GRIK3: variants seen among roughly 807,000 people sequenced by gnomAD.
GRIK3 encodes glutamate receptor ionotropic, kainate 3.
In GRIK3, 29 loss-of-function variants were observed where a neutral mutation model predicts 102.5. The ratio of observed to expected loss-of-function variants is 0.28; its 90% confidence interval spans 0.21 to 0.39. The LOEUF (loss-of-function observed/expected upper bound fraction) is 0.39, where lower values mean the gene tolerates loss of function less well. Among genes scored for constraint, GRIK3 ranks in the 10% least tolerant of loss-of-function variants. GRIK3 has a pLI of 1.00. For missense variants in GRIK3, 908 were observed against 1,252.4 expected (o/e 0.73, Z 4.15); for synonymous variants, 511 against 504.9 (o/e 1.01, Z -0.16).
At chr1:36,995,092 G>A (rs1012828257) in intron 1 of GRIK3, among the ~76,000 whole-genome samples, 4 of 152,192 alleles carry the variant, frequency 2.6e-5, no homozygotes, top group Admixed American at 2.0e-4. Context: ...GAGGGAGGGA[G>A]TGGTTTCATG....
At chr1:36,944,277 T>C (rs989460557) in intron 1 of GRIK3, among the ~76,000 whole-genome samples, 52 of 152,222 alleles carry the variant, frequency 3.4e-4, no homozygotes, top group African/African-American at 1.2e-3. Context: ...GAAGGTGTTT[T>C]GTTGCTAGCA....
At chr1:37,026,635 T>C (rs927266186) in intron 1 of GRIK3, among the ~76,000 whole-genome samples, 1 of 152,220 alleles carries the variant, frequency 6.6e-6, no homozygotes, top group Non-Finnish European at 1.5e-5. Flanking sequence ...CACAAGATTT[T>C]TGTAGGTCAA....
chr1:36,921,276 G>A (rs952940242), intron 1 of GRIK3, among the ~76,000 whole-genome samples: 1 of 152,182 alleles, frequency 6.6e-6, no homozygotes, highest in Non-Finnish European at 1.5e-5. Context: ...AGTAGGCTCC[G>A]CAGAGGTTCA....
intron 1 of GRIK3, among the ~76,000 whole-genome samples, chr1:36,930,057 C>T (rs1641570829): frequency 6.6e-6 from 1 of 152,168 alleles, no homozygotes; most frequent in South Asian, 2.1e-4. Context: ...TCTAGGAGAG[C>T]AAGGTGGAGG....
intron 1 of GRIK3, among the ~76,000 whole-genome samples, chr1:36,962,223 C>G (rs1642018007): frequency 6.6e-6 from 1 of 152,140 alleles, no homozygotes; most frequent in African/African-American, 2.4e-5. Flanking sequence ...TCCTCTTCTA[C>G]TAGATGCAAA....
chr1:37,023,544 T>C (rs1190542616), intron 1 of GRIK3, among the ~76,000 whole-genome samples: 1 of 152,156 alleles, frequency 6.6e-6, no homozygotes, highest in Non-Finnish European at 1.5e-5. Context: ...AGTGGAATTC[T>C]GAAGCTCGTT....
At chr1:36,890,327 G>C (rs1641099647) in intron 2 of GRIK3, among the ~76,000 whole-genome samples, 1 of 152,102 alleles carries the variant, frequency 6.6e-6, no homozygotes, top group Non-Finnish European at 1.5e-5. Flanking sequence ...AGCTGGGTGT[G>C]GTGGCATGCA....
chr1:36,885,356 G>A (rs1273648517), intron 2 of GRIK3, among the ~76,000 whole-genome samples: 1 of 152,180 alleles, frequency 6.6e-6, no homozygotes, highest in Admixed American at 6.5e-5. Context: ...TGATGAAGAT[G>A]TTGCTGTCAT....
intron 1 of GRIK3, among the ~76,000 whole-genome samples, chr1:36,924,780 T>C (rs906547528): frequency 6.6e-6 from 1 of 152,080 alleles, no homozygotes; most frequent in Non-Finnish European, 1.5e-5. Context: ...AGCAAATATT[T>C]AGCAAACGCC....
chr1:37,010,841 A>G (rs1313162842), intron 1 of GRIK3, among the ~76,000 whole-genome samples: 1 of 147,662 alleles, frequency 6.8e-6, no homozygotes, highest in Admixed American at 7.0e-5. Context: ...TCCCGGGTTC[A>G]CGCCATTCTC....
chr1:36,855,679 T>C (rs1640643546), intron 7 of GRIK3, among the ~76,000 whole-genome samples: 2 of 152,240 alleles, frequency 1.3e-5, no homozygotes, highest in Admixed American at 6.5e-5. Context: ...ATCACAAGGA[T>C]GTGACAGAGG....
intron 9 of GRIK3, among the ~76,000 whole-genome samples, chr1:36,845,047 T>A (rs972344618): frequency 3.9e-5 from 6 of 152,188 alleles, no homozygotes; most frequent in Non-Finnish European, 5.9e-5. Flanking sequence ...AAAATGCCAT[T>A]AATTTCGGGA....
chr1:36,949,774 T>G (rs1369185378), intron 1 of GRIK3, among the ~76,000 whole-genome samples: 1 of 151,470 alleles, frequency 6.6e-6, no homozygotes, highest in Non-Finnish European at 1.5e-5. Flanking sequence ...GACAGGGGGG[T>G]CACCATGTTG....
chr1:36,995,322 G>C (rs1297183902), intron 1 of GRIK3, among the ~76,000 whole-genome samples: 4 of 152,120 alleles, frequency 2.6e-5, no homozygotes, highest in African/African-American at 9.7e-5. Context: ...AGCAGCCCTT[G>C]GGCACCTTTG....
At chr1:36,939,144 T>C (rs138757964) in intron 1 of GRIK3, among the ~76,000 whole-genome samples, 1 of 152,258 alleles carries the variant, frequency 6.6e-6, no homozygotes, top group Non-Finnish European at 1.5e-5. Context: ...TTACTGGCAA[T>C]CAAAGCCTAA....
chr1:36,958,471 C>A (rs1641953628), intron 1 of GRIK3, among the ~76,000 whole-genome samples: 1 of 141,292 alleles, frequency 7.1e-6, no homozygotes, highest in Non-Finnish European at 1.5e-5. Flanking sequence ...GTCTGTGCCC[C>A]CTAAGTCTGT....
At chr1:36,957,466 T>C in intron 1 of GRIK3, among the ~76,000 whole-genome samples, 1 of 123,524 alleles carries the variant, frequency 8.1e-6, no homozygotes, top group African/African-American at 2.9e-5. Context: ...TGAGCCTATG[T>C]GCTCTGTGAG....
At chr1:36,949,762 G>A (rs1427418223) in intron 1 of GRIK3, among the ~76,000 whole-genome samples, 1 of 151,740 alleles carries the variant, frequency 6.6e-6, no homozygotes, top group Non-Finnish European at 1.5e-5. Flanking sequence ...ATATTTATTA[G>A]AGACAGGGGG....
chr1:36,880,350 G>C lies in GRIK3; in HGVS notation c.550+284C>G, dbSNP rs557984399. ...TTGCAGATGTGTGTGCTGCTGCTAG[G>C]GTGGGTGTTCAGTGCAGATTTGAAC... On this transcript the variant is annotated intron_variant, in intron 3 of 15. Transcript: ENST00000373091. The surrounding 1 kb of genome is among the most constrained non-coding windows in gnomAD (Gnocchi z 5.4). Among the ~76,000 whole-genome samples, 17 of 152,308 alleles carry C rather than the reference G, an allele frequency of 1.1e-4. No homozygotes were observed. Among genetic ancestry groups the C allele is most frequent in the African/African-American group, 3.9e-4 (16 of 41,552 alleles).
Sources: gnomAD v4.1 joint callset for allele counts (sites outside exome capture counted in the v4.1 genomes callset) on GRCh38, gnomAD v4.1.1 for gene constraint, Gnocchi (gnomAD v3.1) non-coding constraint, MANE v1.5 for transcripts, NCBI Gene and HGNC (gene_info 2026-07-23, HGNC 2026-07-21) for gene names.